Variants in FREM1 observed in about 807,000 individuals in gnomAD.
FREM1 encodes FRAS1 related extracellular matrix 1, also known as FRAS1-related extracellular matrix protein 1.
FREM1 carries 220 observed loss-of-function variants against 210.1 expected under a neutral mutation model. The observed-to-expected ratio is 1.05, with a 90% confidence interval of 0.94 to 1.17. The LOEUF is 1.17. Ranked by LOEUF, FREM1 falls within the 50% of genes most tolerant of loss-of-function variation. The probability of loss-of-function intolerance (pLI) is 0.00; values close to 1 mark genes in which losing one functional copy is unlikely to be tolerated. For synonymous variants in FREM1, 1,189 were observed against 980.2 expected, an observed-to-expected ratio of 1.21 and a Z score of -3.98; for missense variants, 3,454 against 2,675.5, an observed-to-expected ratio of 1.29 and a Z score of -6.42.
At chr9:14,802,936 G>A (rs972616309) in intron 19 of FREM1, among the ~76,000 whole-genome samples, 1 of 152,150 alleles carries the variant, frequency 6.6e-6, no homozygotes, top group African/African-American at 2.4e-5. Context: ...ATTAAGCCTT[G>A]AAGGACATGT....
rs1474219018 is a variant in FREM1 at position 14,737,529 on chromosome 9, T to C, written c.6407A>G (p.Asn2136Ser). The change falls in exon 37 of 37, where the codon AAT (asparagine) becomes AGT (serine). Residue 2136 changes from asparagine (N) to serine (S), a missense_variant. Coordinates refer to ENST00000380880, the MANE Select transcript of FREM1 (RefSeq NM_001379081.2). ...WIGGEPVAFT[N>S]GRRGPSQRSK... ...GCGTTGAGAGGGCCCTCTTCTCCCATTGGTGAAGGCAACAGGTTCACCACC... is the reference window on the plus strand; with the variant it reads ...GCGTTGAGAGGGCCCTCTTCTCCCACTGGTGAAGGCAACAGGTTCACCACC... The C allele has an allele frequency of 5.6e-6, 9 of 1,611,518 alleles. No homozygotes were observed. Among genetic ancestry groups the C allele is most frequent in the African/African-American group, 1.3e-5 (1 of 74,892 alleles).
At chr9:14,910,440 C>T, upstream of FREM1, 1 of 152,638 alleles carries the variant, frequency 6.6e-6, no homozygotes, top group Non-Finnish European at 1.5e-5. Flanking sequence ...ACTGCTCCGC[C>T]ACTCGCCGAG....
chr9:14,818,822 C>A (rs1296804254), intron 14 of FREM1, among the ~76,000 whole-genome samples: 2 of 152,142 alleles, frequency 1.3e-5, no homozygotes, highest in African/African-American at 2.4e-5. Flanking sequence ...CATTGATCAA[C>A]AGAGTTCTAT....
chr9:14,850,226 G>A (rs1477399256), intron 6 of FREM1, among the ~76,000 whole-genome samples: 2 of 152,162 alleles, frequency 1.3e-5, no homozygotes, highest in Non-Finnish European at 2.9e-5. Context: ...ACAAAACAGA[G>A]GAGAGAGGTG....
At chr9:14,796,070 T>A (rs764716230) in intron 21 of FREM1, among the ~76,000 whole-genome samples, 1 of 152,166 alleles carries the variant, frequency 6.6e-6, no homozygotes, top group Non-Finnish European at 1.5e-5. Context: ...AACTGATGTA[T>A]GAGATGCAAC....
rs1176733957 is a variant in FREM1, at chr9:14,770,631, T to A, written c.5033A>T (p.His1678Leu). ...TGTTGTTGTGTTCTCCAGATGTCCATGTTTTGGGCCTTGTAGAATTTTAAA... is the reference window on the plus strand; with the variant it reads ...TGTTGTTGTGTTCTCCAGATGTCCAAGTTTTGGGCCTTGTAGAATTTTAAA... Reference protein sequence around the residue: ...IIFKILQGPKHGHLENTTTGE... With the variant: ...IIFKILQGPKLGHLENTTTGE... The change falls in exon 26 of 37, where the codon CAT becomes CTT. Residue 1678 changes from histidine (H) to leucine (L), a missense_variant. His to Leu is a moderately conservative substitution (Grantham distance 99). Transcript: ENST00000380880. The A allele has an allele frequency of 1.9e-6, 3 of 1,613,100 alleles. No homozygotes were observed. The highest frequency in any genetic ancestry group is 2.5e-6 in the Non-Finnish European group (3 of 1,179,286).
At chr9:14,791,683 G>C (rs1323635145) in intron 22 of FREM1, among the ~76,000 whole-genome samples, 2 of 152,190 alleles carry the variant, frequency 1.3e-5, no homozygotes, top group Admixed American at 1.3e-4. Context: ...ATTGTTTGTG[G>C]AGTAAGTAGT....
At chr9:14,796,639 C>A (rs1388879230) in intron 21 of FREM1, among the ~76,000 whole-genome samples, 1 of 152,112 alleles carries the variant, frequency 6.6e-6, no homozygotes, top group Non-Finnish European at 1.5e-5. Context: ...GCAGTTTCCC[C>A]CATCCTGTTC....
intron 28 of FREM1, among the ~76,000 whole-genome samples, chr9:14,757,091 T>A (rs924834613): frequency 3.2e-4 from 49 of 152,112 alleles, no homozygotes; most frequent in Non-Finnish European, 1.3e-4. Flanking sequence ...AAGGACCCCG[T>A]CAGGTAGGTG....
intron 1 of FREM1, among the ~76,000 whole-genome samples, chr9:14,891,741 TA>T (rs2132389856): frequency 6.6e-6 from 1 of 152,280 alleles, no homozygotes; most frequent in Non-Finnish European, 1.5e-5. Context: ...ATAGGAAAAG[TA>T]AGGGCATGTT....
chr9:14,819,100 C>T lies in FREM1; in HGVS notation c.2546+134G>A, dbSNP rs908217498. 7.4e-6 allele frequency: 4 copies of T among 540,702 alleles called. No individual in the cohort carries two copies. In the Admixed American group the frequency reaches 1.4e-4, roughly 19 times the overall value. 33.5% of individuals were successfully genotyped at this position (540,702 alleles called of 1,614,324 possible). On this transcript the variant is annotated intron_variant, in intron 14 of 36. Transcript: ENST00000380880. The stretch of plus-strand genomic sequence containing the variant: ...TTGATCATTTGTAATTTTCAACTGA[C>T]CCGTTGAGTGTGTTAAGTGGCATGT...
chr9:14,825,001 A>T lies in FREM1; in HGVS notation c.1882-9T>A. 1 of 1,567,218 alleles carries T rather than the reference A, an allele frequency of 6.4e-7. No homozygotes were observed. Among genetic ancestry groups the T allele is most frequent in the Non-Finnish European group, 8.6e-7 (1 of 1,165,004 alleles). On this transcript the variant is annotated splice_polypyrimidine_tract_variant and intron_variant, in intron 10 of 36. Coordinates refer to ENST00000380880, the MANE Select transcript of FREM1 (RefSeq NM_001379081.2). ...ATATGGATTGTTGCCACCTGGAATA[A>T]AAATGTCTGTACCATTAATTTGAAA... is the stretch of plus-strand genomic sequence containing the variant.
chr9:14,756,744 G>C (rs975698466), intron 28 of FREM1, among the ~76,000 whole-genome samples: 3 of 152,066 alleles, frequency 2.0e-5, no homozygotes, highest in Non-Finnish European at 4.4e-5. Context: ...CTATATTTTT[G>C]TCTTTGTTGC....
At chr9:14,882,909 T>A (rs1425966549) in intron 1 of FREM1, among the ~76,000 whole-genome samples, 2 of 306 alleles carry the variant, frequency 6.5e-3, no homozygotes, top group East Asian at 0.25. Flanking sequence ...CGAGACTCCA[T>A]CTCAAAAAAA....
At chr9:14,787,196 CT>C (rs1474735153) in intron 23 of FREM1, among the ~76,000 whole-genome samples, 3 of 152,052 alleles carry the variant, frequency 2.0e-5, no homozygotes, top group African/African-American at 7.2e-5. Flanking sequence ...TTAGTATAGT[CT>C]TGTTTAGAGA....
intron 7 of FREM1, among the ~76,000 whole-genome samples, chr9:14,846,507 C>A (rs567910174): frequency 2.5e-4 from 38 of 152,078 alleles, no homozygotes; most frequent in Non-Finnish European, 3.8e-4. Flanking sequence ...AGCACATATA[C>A]CCCAGAACTT....
chr9:14,860,659 A>G (rs62537683), intron 3 of FREM1, among the ~76,000 whole-genome samples: 6,057 of 134,608 alleles, frequency 0.045, 540 homozygotes, highest in African/African-American at 0.18. Flanking sequence ...ATATACACAT[A>G]TATACATATA....
chr9:14,740,892 T>C (rs1212312078), intron 35 of FREM1, among the ~76,000 whole-genome samples: 8 of 152,154 alleles, frequency 5.3e-5, no homozygotes, highest in Non-Finnish European at 5.9e-5. Context: ...AAGCGATATT[T>C]GATTGTGCCT....
chr9:14,863,944 T>C (rs972401266), intron 2 of FREM1, 41 bp from the exon 3 acceptor site: 8 of 1,283,652 alleles, frequency 6.2e-6, no homozygotes, highest in Middle Eastern at 1.8e-4. Context: ...TATGAGAAAA[T>C]TGGTACAAGA....
Sources: allele counts gnomAD v4.1 joint callset (sites outside exome capture counted in the v4.1 genomes callset), GRCh38; gene constraint gnomAD v4.1.1; transcripts MANE v1.5; gene names NCBI Gene and HGNC (gene_info 2026-07-23, HGNC 2026-07-21).